PTPN11: variants seen among roughly 807,000 people sequenced by gnomAD.
PTPN11 encodes the protein tyrosine-protein phosphatase non-receptor type 11.
In PTPN11, 6 loss-of-function variants were observed where a neutral mutation model predicts 78.8. The observed-to-expected ratio is 0.08, with a 90% CI of 0.04 to 0.15. The LOEUF is 0.15. PTPN11 is among the 10% of genes least tolerant of loss of function. The pLI is 1.00. For synonymous variants in PTPN11, 221 were observed against 263.5 expected, an observed-to-expected ratio of 0.84 and a Z score of 1.56; for missense variants, 386 against 744.8, an observed-to-expected ratio of 0.52 and a Z score of 5.61.
chr12:112,507,083 G>T lies in PTPN11; in HGVS notation c.*1291G>T. On this transcript the variant is annotated 3_prime_UTR_variant, in exon 16 of 16. Transcript: ENST00000351677. ...CTCAGATTCAAGAAAAGGGTGTGAA[G>T]TAGAGGTGCAGTTAAGTGGGGGGCC... is the stretch of plus-strand genomic sequence containing the variant. 1 of 162,336 alleles carries T rather than the reference G, an allele frequency of 6.2e-6. No homozygotes were observed. The highest frequency in any genetic ancestry group is 1.3e-5 in the Non-Finnish European group (1 of 74,104). 10.1% of individuals were successfully genotyped at this position (162,336 alleles called of 1,614,324 possible).
At chr12:112,492,387 AT>A (rs905186197) in intron 13 of PTPN11, among the ~76,000 whole-genome samples, 8 of 148,884 alleles carry the variant, frequency 5.4e-5, no homozygotes, top group Non-Finnish European at 7.5e-5. Flanking sequence ...TTTTTGCTAC[AT>A]TTTTTTTTTA....
intron 1 of PTPN11, 38 bp from the exon 2 acceptor site, chr12:112,446,238 C>A: frequency 6.2e-7 from 1 of 1,612,348 alleles, no homozygotes; most frequent in South Asian, 1.1e-5. Context: ...CTGACAGTGT[C>A]TTGTTTTTTT....
intron 4 of PTPN11, 93 bp downstream of exon 4, chr12:112,453,480 A>G (rs2038107624): frequency 1.0e-6 from 1 of 979,694 alleles, no homozygotes; most frequent in South Asian, 1.4e-5. Context: ...ATTCAAAGTC[A>G]GATTGTCTTT....
chr12:112,488,604 T>A, intron 12 of PTPN11, 94 bp downstream of exon 12: 1 of 1,310,320 alleles, frequency 7.6e-7, no homozygotes, highest in Non-Finnish European at 1.1e-6. Context: ...AGAGGTTGAA[T>A]GGGAAAATTC....
intron 13 of PTPN11, among the ~76,000 whole-genome samples, chr12:112,500,740 C>T (rs970744798): frequency 3.3e-5 from 5 of 151,634 alleles, no homozygotes; most frequent in Admixed American, 2.6e-4. Flanking sequence ...TATAGGCATG[C>T]ACCACCACAC....
intron 6 of PTPN11, among the ~76,000 whole-genome samples, chr12:112,462,108 A>G (rs891638721): frequency 2.0e-5 from 3 of 152,230 alleles, no homozygotes; most frequent in Non-Finnish European, 2.9e-5. Context: ...CTATAATCCC[A>G]GTACTTTGGG....
chr12:112,499,889 C>G (rs2038855382), intron 13 of PTPN11, among the ~76,000 whole-genome samples: 1 of 148,564 alleles, frequency 6.7e-6, no homozygotes, highest in South Asian at 2.1e-4. Flanking sequence ...CTGCAGTGAG[C>G]TATGATTGCA....
chr12:112,419,594 A>C (rs2135818669), intron 1 of PTPN11, among the ~76,000 whole-genome samples: 1 of 152,292 alleles, frequency 6.6e-6, no homozygotes, highest in Non-Finnish European at 1.5e-5. Flanking sequence ...ACTTTCGTGC[A>C]TTTGGGGACT....
At chr12:112,497,328 G>A (rs35553549) in intron 13 of PTPN11, among the ~76,000 whole-genome samples, 463 of 152,186 alleles carry the variant, frequency 3.0e-3, no homozygotes, top group Non-Finnish European at 5.4e-3. Context: ...TTTATTAGAC[G>A]CTTATTCTTT....
At chr12:112,455,229 GTTC>G (rs2038140651) in intron 5 of PTPN11, among the ~76,000 whole-genome samples, 1 of 142,640 alleles carries the variant, frequency 7.0e-6, no homozygotes, top group Non-Finnish European at 1.5e-5. Flanking sequence ...CATTACAGAG[GTTC>G]TTTTTTTTTT....
chr12:112,436,937 G>A lies in PTPN11; in HGVS notation c.15-9339G>A, dbSNP rs145755092. Among the ~76,000 whole-genome samples the A allele has an allele frequency of 2.1e-3, 324 of 152,010 alleles. 2 individuals are homozygous for A. The highest frequency in any genetic ancestry group is 7.5e-3 in the African/African-American group (310 of 41,450). ...ATAAATGGTAATAAATGGTAAAAAT[G>A]GTAATAAATTTTACCATTTAATGAA... On this transcript the variant is annotated intron_variant, in intron 1 of 15. Transcript: ENST00000351677.
At chr12:112,489,245 G>T (rs1158495829) in intron 13 of PTPN11, 70 bp downstream of exon 13, 1 of 1,564,284 alleles carries the variant, frequency 6.4e-7, no homozygotes, top group Non-Finnish European at 8.8e-7. Flanking sequence ...CTCTCCTTTT[G>T]AGCAGGAGGA....
intron 1 of PTPN11, among the ~76,000 whole-genome samples, chr12:112,424,675 T>A (rs2037577292): frequency 6.6e-6 from 1 of 152,076 alleles, no homozygotes; most frequent in South Asian, 2.1e-4. Context: ...TGCACTGCCA[T>A]TAAAAAGCTG....
chr12:112,451,651 A>ATTT (rs1286379174), intron 3 of PTPN11, among the ~76,000 whole-genome samples: 7 of 152,190 alleles, frequency 4.6e-5, no homozygotes, highest in African/African-American at 7.2e-5. Flanking sequence ...AAAATCCCTC[A>ATTT]TTTTTACTCC....
In PTPN11 at chr12:112,482,100, T is replaced by C; in HGVS notation, c.1119T>C (p.Asp373=). The C allele has an allele frequency of 6.3e-7, 1 of 1,583,204 alleles. No homozygotes were observed. The highest frequency in any genetic ancestry group is 8.7e-7 in the Non-Finnish European group (1 of 1,151,978). The change falls in exon 10 of 16, where the codon GAT becomes GAC. Residue 373 remains aspartate (D), a synonymous_variant. Coordinates refer to ENST00000351677, the MANE Select transcript of PTPN11 (RefSeq NM_002834.5). This position sits in a 1 kb window ranked among gnomAD's most constrained non-coding sequence, Gnocchi z 4.4. ...GTAAATGTGTCAAATACTGGCCTGA[T>C]GAGTATGCTCTAAAAGAATATGGCG... ...GKSKCVKYWP[D]EYALKEYGVM...
At chr12:112,493,137 C>T (rs1471624256) in intron 13 of PTPN11, among the ~76,000 whole-genome samples, 2 of 150,774 alleles carry the variant, frequency 1.3e-5, no homozygotes, top group Non-Finnish European at 2.9e-5. Context: ...CGGCTCATTA[C>T]AACCTCCACC....
chr12:112,442,831 TATATA>T (rs2037918106), intron 1 of PTPN11, among the ~76,000 whole-genome samples: 1 of 1,660 alleles, frequency 6.0e-4, no homozygotes, highest in Non-Finnish European at 1.3e-3. Flanking sequence ...TCTCTCTTTT[TATATA>T]TATATATATA....
In PTPN11 at chr12:112,509,715, C is replaced by T. The variant is rs1246532547; in HGVS notation, c.*3923C>T. The stretch of plus-strand genomic sequence containing the variant: ...CCACGTATATTATGTAGTCTATTTG[C>T]AACTGTTCTTAAAAAAATGACATTA... On this transcript the variant is annotated 3_prime_UTR_variant, in exon 16 of 16. Coordinates refer to ENST00000351677, the MANE Select transcript of PTPN11 (RefSeq NM_002834.5). 2 of 152,526 alleles carry T rather than the reference C, an allele frequency of 1.3e-5. No individual in the cohort carries two copies. The highest frequency in any genetic ancestry group is 4.8e-5 in the African/African-American group (2 of 41,412). 9.4% of individuals were successfully genotyped at this position (152,526 alleles called of 1,614,324 possible).
At chr12:112,501,078 A>G (rs546283336) in intron 13 of PTPN11, among the ~76,000 whole-genome samples, 2 of 152,104 alleles carry the variant, frequency 1.3e-5, no homozygotes, top group Non-Finnish European at 2.9e-5. Context: ...CTTGTACATT[A>G]GTATTTGATA....
Sources: gnomAD v4.1 joint callset for allele counts (sites outside exome capture counted in the v4.1 genomes callset) on GRCh38, gnomAD v4.1.1 for gene constraint, Gnocchi (gnomAD v3.1) non-coding constraint, MANE v1.5 for transcripts, NCBI Gene and HGNC (gene_info 2026-07-23, HGNC 2026-07-21) for gene names.